MRPL22: variants seen among roughly 807,000 people sequenced by gnomAD.
MRPL22 encodes the protein large ribosomal subunit protein uL22m.
MRPL22 carries 27 observed loss-of-function variants against 32.4 expected under a neutral mutation model. The ratio of observed to expected loss-of-function variants is 0.83; its 90% CI spans 0.61 to 1.15. The LOEUF (loss-of-function observed/expected upper bound fraction) is 1.15, where lower values mean the gene tolerates loss of function less well. Ranked by LOEUF, MRPL22 falls within the 50% of genes most tolerant of loss-of-function variation. The probability of loss-of-function intolerance (pLI) is 0.00; values close to 1 mark genes in which losing one functional copy is unlikely to be tolerated. For missense variants in MRPL22, 239 were observed against 260.2 expected, an observed-to-expected ratio of 0.92 and a Z score of 0.56; for synonymous variants, 86 against 87.3, an observed-to-expected ratio of 0.99 and a Z score of 0.08.
chr5:154,963,159 G>A (rs896536328), intron 6 of MRPL22, among the ~76,000 whole-genome samples: 12 of 152,212 alleles, frequency 7.9e-5, no homozygotes, highest in East Asian at 7.7e-4. Flanking sequence ...GGCTGGTCTC[G>A]AACTCCTGAC....
At chr5:154,961,038 T>C (rs1037616251) in intron 6 of MRPL22, among the ~76,000 whole-genome samples, 1 of 152,100 alleles carries the variant, frequency 6.6e-6, no homozygotes, top group African/African-American at 2.4e-5. Context: ...TTTCAACAAT[T>C]AGAGTAAAAA....
intron 6 of MRPL22, among the ~76,000 whole-genome samples, chr5:154,960,806 A>G (rs1286492185): frequency 6.6e-6 from 1 of 152,162 alleles, no homozygotes; most frequent in Non-Finnish European, 1.5e-5. Flanking sequence ...GGTTGGAGTT[A>G]TTATTTTTTT....
Position 154,961,833 on chromosome 5 carries a change from C to A in MRPL22, c.409+1784C>A, listed in dbSNP as rs115523216. On this transcript the variant is annotated intron_variant, in intron 6 of 6. Transcript: ENST00000523037. The stretch of plus-strand genomic sequence containing the variant: ...TCCTGAGTAGCTGGGACTAGAGGCA[C>A]GTACGAGCACACTTAGCTAATTTTA... Among the ~76,000 whole-genome samples the A allele has an allele frequency of 2.4e-3, 369 of 152,122 alleles. 2 individuals carry two copies. The highest frequency in any genetic ancestry group is 8.3e-3 in the African/African-American group (344 of 41,498).
At chr5:154,966,399 A>G (rs1764767019) in intron 6 of MRPL22, among the ~76,000 whole-genome samples, 1 of 152,322 alleles carries the variant, frequency 6.6e-6, no homozygotes, top group Non-Finnish European at 1.5e-5. Context: ...AGCACTTGTC[A>G]CTAGCTGAAA....
At position 154,950,988 on chromosome 5, in the gene MRPL22, C is replaced by T. The variant is rs577725572; in HGVS notation, c.195+50C>T. 3 of 1,137,306 alleles carry T rather than the reference C, an allele frequency of 2.6e-6. No homozygotes were observed. In the East Asian group the frequency reaches 7.1e-5, roughly 27 times the overall value. 70.5% of individuals were successfully genotyped at this position (1,137,306 alleles called of 1,614,324 possible). On this transcript the variant is annotated intron_variant, in intron 3 of 6. Coordinates refer to ENST00000523037, the MANE Select transcript of MRPL22 (RefSeq NM_014180.4). ...TCTTAATTGTGGTAGTGCTCTTACT[C>T]TTAAGTGATTAGTAATGATTTATTA...
At chr5:154,950,678 A>C in intron 2 of MRPL22, 143 bp from the exon 3 acceptor site, 1 of 695,176 alleles carries the variant, frequency 1.4e-6, no homozygotes, top group Non-Finnish European at 2.5e-6. Flanking sequence ...AGTCTCTATT[A>C]ATGAATACCT....
At chr5:154,960,178 C>A in intron 6 of MRPL22, 129 bp downstream of exon 6, 1 of 651,840 alleles carries the variant, frequency 1.5e-6, no homozygotes, top group South Asian at 1.9e-5. Flanking sequence ...CTAGTAATGG[C>A]TTATTCTTCA....
At chr5:154,946,666 T>C (rs1208476527) in intron 2 of MRPL22, among the ~76,000 whole-genome samples, 2 of 151,480 alleles carry the variant, frequency 1.3e-5, no homozygotes, top group Non-Finnish European at 2.9e-5. Context: ...ATACAAAAAT[T>C]AGCCAGGTGT....
In MRPL22 at chr5:154,941,200, T is replaced by C. The variant is rs1195339761; in HGVS notation, c.29-17T>C. ...TCGAGATGGAATCTGAGTTGACGGC[T>C]TGTGTTGATGTTGCAGGTGCGTTAT... On this transcript the variant is annotated splice_polypyrimidine_tract_variant and intron_variant, in intron 1 of 6. Coordinates refer to ENST00000523037, the MANE Select transcript of MRPL22 (RefSeq NM_014180.4). The C allele has an allele frequency of 6.2e-7, 1 of 1,614,082 alleles. No individual in the cohort carries two copies. The highest frequency in any genetic ancestry group is 1.7e-5 in the Admixed American group (1 of 60,016).
In MRPL22 at chr5:154,956,430, A is replaced by C; in HGVS notation, c.255A>C (p.Ala85=). ...KYSKDKMWYL[A]KLIRGMSIDQ... is the part of the protein sequence containing the mutation. ...GCAAAGACAAGATGTGGTATTTGGCAAAATTGGTAAGCTGCAATGACTATT... is the reference window on the plus strand; with the variant it reads ...GCAAAGACAAGATGTGGTATTTGGCCAAATTGGTAAGCTGCAATGACTATT... Residue 85 remains alanine (A), a synonymous_variant, in exon 4 of 7, where the codon GCA becomes GCC. Transcript: ENST00000523037. 6 of 1,603,598 alleles carry C rather than the reference A, an allele frequency of 3.7e-6. No individual in the cohort carries two copies. Among genetic ancestry groups the C allele is most frequent in the Non-Finnish European group, 5.1e-6 (6 of 1,171,048 alleles).
chr5:154,947,106 C>A (rs1177867170), intron 2 of MRPL22, among the ~76,000 whole-genome samples: 4 of 152,110 alleles, frequency 2.6e-5, no homozygotes, highest in African/African-American at 9.7e-5. Context: ...ATTTATTGAG[C>A]CCTTTTAAGT....
At chr5:154,959,658 C>A (rs1369624255) in intron 5 of MRPL22, among the ~76,000 whole-genome samples, 1 of 152,170 alleles carries the variant, frequency 6.6e-6, no homozygotes, top group Non-Finnish European at 1.5e-5. Flanking sequence ...GCCTTGGGAA[C>A]TTTTTGACAA....
intron 2 of MRPL22, among the ~76,000 whole-genome samples, chr5:154,947,836 GA>G (rs1764512499): frequency 6.6e-6 from 1 of 152,202 alleles, no homozygotes; most frequent in Non-Finnish European, 1.5e-5. Context: ...ATCATGATCA[GA>G]TAAGGGATTA....
chr5:154,950,902 TC>T lies in MRPL22; in HGVS notation c.161del (p.Pro54LeufsTer21). On this transcript the variant is annotated frameshift_variant, in exon 3 of 7. Coordinates refer to ENST00000523037, the MANE Select transcript of MRPL22 (RefSeq NM_014180.4). LOFTEE classifies it high-confidence loss of function. ...KWEKKNKIVY[P>X]PQLPGEPRRP... ...GGGAGAAGAAGAATAAAATTGTTTA[TC>T]CTCCACAACTGCCTGGAGAACCTCG... 6.2e-7 allele frequency: 1 copy of T among 1,613,656 alleles called. No individual in the cohort carries two copies. Among genetic ancestry groups the T allele is most frequent in the Non-Finnish European group, 8.5e-7 (1 of 1,179,588 alleles).
chr5:154,948,949 A>G (rs1389786912), intron 2 of MRPL22, among the ~76,000 whole-genome samples: 1 of 152,208 alleles, frequency 6.6e-6, no homozygotes, highest in Non-Finnish European at 1.5e-5. Flanking sequence ...TCAACCCACT[A>G]CAATTATTGT....
intron 6 of MRPL22, among the ~76,000 whole-genome samples, chr5:154,965,251 A>C (rs1262876325): frequency 6.6e-6 from 1 of 152,182 alleles, no homozygotes; most frequent in East Asian, 1.9e-4. Context: ...TAAGTGTATA[A>C]GAATGATGAG....
intron 3 of MRPL22, 94 bp from the exon 4 acceptor site, chr5:154,956,277 G>C: frequency 1.2e-6 from 1 of 807,824 alleles, no homozygotes; most frequent in Non-Finnish European, 2.0e-6. Context: ...TTTAGGCCTA[G>C]AAAGTAAAAA....
At chr5:154,945,740 C>G (rs1012409577) in intron 2 of MRPL22, among the ~76,000 whole-genome samples, 1 of 152,136 alleles carries the variant, frequency 6.6e-6, no homozygotes, top group Admixed American at 6.6e-5. Context: ...AAGAAAGTGT[C>G]TCAAGGAAGA....
At chr5:154,964,576 T>C (rs553591158) in intron 6 of MRPL22, among the ~76,000 whole-genome samples, 39 of 152,332 alleles carry the variant, frequency 2.6e-4, no homozygotes, top group African/African-American at 9.4e-4. Context: ...TCTTAGGATG[T>C]TTCAGAAAAA....
Sources: gnomAD v4.1 joint callset for allele counts (sites outside exome capture counted in the v4.1 genomes callset) on GRCh38, gnomAD v4.1.1 for gene constraint, MANE v1.5 for transcripts, NCBI Gene and HGNC (gene_info 2026-07-23, HGNC 2026-07-21) for gene names.